UHRF2: variants seen among roughly 807,000 people sequenced by gnomAD.
UHRF2 encodes ubiquitin like with PHD and ring finger domains 2, also known as E3 ubiquitin-protein ligase UHRF2.
In UHRF2, 23 loss-of-function variants were observed where a neutral mutation model predicts 96.8. That is an observed-to-expected ratio of 0.24 (90% CI 0.17 to 0.34). The LOEUF is 0.34. UHRF2 is among the 10% of genes least tolerant of loss of function. The pLI, the probability that UHRF2 is intolerant of heterozygous loss-of-function variation, is 1.00. For missense variants in UHRF2, 685 were observed against 981.5 expected, an observed-to-expected ratio of 0.70 and a Z score of 4.04; for synonymous variants, 385 against 332.6, an observed-to-expected ratio of 1.16 and a Z score of -1.72.
At chr9:6,499,258 C>G (rs1241031987) in intron 12 of UHRF2, 2 of 151,174 alleles carry the variant, frequency 1.3e-5, no homozygotes, top group Non-Finnish European at 2.9e-5. Flanking sequence ...CCACCCACCC[C>G]CTCAAAGAAG....
intron 1 of UHRF2, among the ~76,000 whole-genome samples, chr9:6,418,259 CTTTT>C (rs200084021): frequency 1.3e-4 from 16 of 124,888 alleles, no homozygotes; most frequent in Non-Finnish European, 1.7e-4. Context: ...GAGGATGTTC[CTTTT>C]TTTTTTTTTT....
intron 2 of UHRF2, among the ~76,000 whole-genome samples, chr9:6,423,949 A>AAAT (rs1554620285): frequency 4.4e-4 from 66 of 151,614 alleles, no homozygotes; most frequent in Middle Eastern, 3.4e-3. Flanking sequence ...AGTATCAAAA[A>AAAT]AAATAAATAA....
intron 9 of UHRF2, chr9:6,492,832 C>CTTTTTTTTTTTTTT (rs34371545): frequency 2.2e-5 from 2 of 89,522 alleles, no homozygotes; most frequent in African/African-American, 4.3e-5. Context: ...GAGCTTTTGG[C>CTTTTTTTTTTTTTT]TTTTTTTTTT....
chr9:6,434,151 A>T lies in UHRF2; in HGVS notation c.622A>T (p.Ile208Phe). Residue 208 changes from isoleucine to phenylalanine, a missense_variant, in exon 3 of 16, where the codon ATT (isoleucine) becomes TTT (phenylalanine). Around this residue, in one of 6 missense-constraint regions of UHRF2, gnomAD observed 391 missense variants for 437.0 expected, o/e 0.89. Coordinates refer to ENST00000276893, the MANE Select transcript of UHRF2 (RefSeq NM_152896.3). ...CTGTGTTGCTGCTGATGAAGACGTT[A>T]TTTACCATATCCAGTATGATGAGTA... ...SDCVAADEDV[I>F]YHIQYDEYPE... 1.2e-6 allele frequency: 2 copies of T among 1,613,894 alleles called. No homozygotes were observed. Among genetic ancestry groups the T allele is most frequent in the Non-Finnish European group, 1.7e-6 (2 of 1,179,926 alleles).
chr9:6,414,603 A>C (rs1318346536), intron 1 of UHRF2, among the ~76,000 whole-genome samples: 1 of 152,188 alleles, frequency 6.6e-6, no homozygotes, highest in Non-Finnish European at 1.5e-5. Context: ...TTGTTAATAC[A>C]CTAAAAAGTT....
In UHRF2 at chr9:6,486,915, C is replaced by T. The variant is rs866388128; in HGVS notation, c.1487C>T (p.Ala496Val). Residue 496 changes from alanine to valine, a missense_variant, in exon 9 of 16, where the codon GCG becomes GTG. Transcript: ENST00000276893. ...TCTCTTGTACTGGCTGGTGGATTTGCGGATGAAGTCGTAAGTCATTATACA... is the reference window on the plus strand; with the variant it reads ...TCTCTTGTACTGGCTGGTGGATTTGTGGATGAAGTCGTAAGTCATTATACA... ...AYSLVLAGGF[A>V]DEVDRGDEFT... The T allele has an allele frequency of 3.1e-6, 5 of 1,613,876 alleles. No individual in the cohort carries two copies. Among genetic ancestry groups the T allele is most frequent in the Non-Finnish European group, 4.2e-6 (5 of 1,179,912 alleles).
chr9:6,478,803 A>G (rs1434775216), intron 6 of UHRF2, among the ~76,000 whole-genome samples: 1 of 152,210 alleles, frequency 6.6e-6, no homozygotes, highest in Non-Finnish European at 1.5e-5. Flanking sequence ...GACAGGCTGT[A>G]GAGGTGAGAG....
chr9:6,422,620 C>CT (rs781359862), intron 2 of UHRF2: 11 of 633,020 alleles, frequency 1.7e-5, no homozygotes, highest in East Asian at 3.0e-5. Context: ...TAGATCTTTT[C>CT]TTTTTTTGAG....
intron 3 of UHRF2, among the ~76,000 whole-genome samples, chr9:6,452,652 C>A (rs977174167): frequency 6.6e-6 from 1 of 152,144 alleles, no homozygotes; most frequent in Non-Finnish European, 1.5e-5. Context: ...GACTAAGTAA[C>A]TGGATAAAGG....
At chr9:6,498,247 A>G in intron 12 of UHRF2, 89 bp downstream of exon 12, 1 of 1,369,340 alleles carries the variant, frequency 7.3e-7, no homozygotes. Flanking sequence ...TATAACCCAC[A>G]GCAATTGACT....
intron 2 of UHRF2, among the ~76,000 whole-genome samples, chr9:6,423,154 T>C (rs1820034302): frequency 2.0e-5 from 3 of 151,810 alleles, no homozygotes; most frequent in Admixed American, 2.0e-4. Flanking sequence ...TATGGAAAAA[T>C]GCCAACAGAT....
intron 3 of UHRF2, among the ~76,000 whole-genome samples, chr9:6,441,568 C>T (rs1821163886): frequency 6.6e-6 from 1 of 152,064 alleles, no homozygotes; most frequent in Non-Finnish European, 1.5e-5. Context: ...TTTGACCCAG[C>T]CTTATCCATT....
chr9:6,468,368 G>C (rs765942410), intron 4 of UHRF2: 1 of 446,522 alleles, frequency 2.2e-6, no homozygotes, highest in African/African-American at 2.0e-5. Flanking sequence ...GGGACAGCTG[G>C]CAGTAGATTA....
In UHRF2 at chr9:6,486,802, CTCTT is replaced by C. The variant is rs780603676; in HGVS notation, c.1393-17_1393-14del. 1 of 1,611,994 alleles carries C rather than the reference CTCTT, an allele frequency of 6.2e-7. No homozygotes were observed. The highest frequency in any genetic ancestry group is 1.1e-5 in the South Asian group (1 of 90,876). ...AACTGTTCAGAGGTATTTTGAGACT[CTCTT>C]TAATTGTTTTATAGGTGAGCGAAGC... On this transcript the variant is annotated splice_polypyrimidine_tract_variant and intron_variant, in intron 8 of 15. Coordinates refer to ENST00000276893, the MANE Select transcript of UHRF2 (RefSeq NM_152896.3).
chr9:6,447,881 C>T (rs890183278), intron 3 of UHRF2, among the ~76,000 whole-genome samples: 2 of 152,080 alleles, frequency 1.3e-5, no homozygotes, highest in Non-Finnish European at 2.9e-5. Flanking sequence ...AAGGCTCAGG[C>T]CTTGAATTCA....
chr9:6,416,265 T>G (rs956631260), intron 1 of UHRF2, among the ~76,000 whole-genome samples: 1 of 151,952 alleles, frequency 6.6e-6, no homozygotes, highest in East Asian at 1.9e-4. Context: ...GGTTTCACCA[T>G]TTTGGACACG....
intron 3 of UHRF2, among the ~76,000 whole-genome samples, chr9:6,438,671 T>C (rs1239698261): frequency 6.6e-6 from 1 of 152,208 alleles, no homozygotes; most frequent in Admixed American, 6.5e-5. Flanking sequence ...TCTGGAATTA[T>C]TCTGGGGTAT....
chr9:6,466,714 A>G (rs556889608), intron 4 of UHRF2, among the ~76,000 whole-genome samples: 1 of 152,348 alleles, frequency 6.6e-6, no homozygotes, highest in Non-Finnish European at 1.5e-5. Context: ...TAATATGCAT[A>G]TCAAGTTGTA....
At chr9:6,436,729 T>TA (rs1820869335) in intron 3 of UHRF2, among the ~76,000 whole-genome samples, 1 of 152,220 alleles carries the variant, frequency 6.6e-6, no homozygotes, top group African/African-American at 2.4e-5. Context: ...TGGTGTATCT[T>TA]AGAGCACAAA....
Sources: gnomAD v4.1 joint callset for allele counts (sites outside exome capture counted in the v4.1 genomes callset) on GRCh38, gnomAD v4.1.1 for gene constraint, gnomAD v4.1.1 regional missense constraint, MANE v1.5 for transcripts, NCBI Gene and HGNC (gene_info 2026-07-23, HGNC 2026-07-21) for gene names.